The following NCOA1 variants were observed in gnomAD, a reference collection of about 807,000 sequenced individuals.
The protein encoded by NCOA1 is nuclear receptor coactivator 1.
Under a neutral mutation model 150.9 loss-of-function variants are expected in NCOA1, and 35 were observed. That is an observed-to-expected ratio of 0.23 (90% CI 0.18 to 0.31). The LOEUF is 0.31. Ranked by LOEUF, NCOA1 falls within the 10% of genes least tolerant of loss-of-function variation. The pLI, the probability that NCOA1 is intolerant of heterozygous loss-of-function variation, is 1.00. For synonymous variants in NCOA1, 590 were observed against 630.0 expected, an observed-to-expected ratio of 0.94 and a Z score of 0.95; for missense variants, 1,491 against 1,749.3, an observed-to-expected ratio of 0.85 and a Z score of 2.63.
At chr2:24,752,214 T>C (rs2148680362) in intron 20 of NCOA1, 58 bp downstream of exon 20, 7 of 1,555,344 alleles carry the variant, frequency 4.5e-6, no homozygotes, top group South Asian at 1.2e-5. Context: ...TCCTTGATAC[T>C]GATAAATGCT....
At chr2:24,692,692 C>G (rs552849257) in intron 9 of NCOA1, among the ~76,000 whole-genome samples, 1 of 152,318 alleles carries the variant, frequency 6.6e-6, no homozygotes, top group Admixed American at 6.5e-5. Flanking sequence ...AGATGCATCT[C>G]TCTCCTCTGG....
chr2:24,503,732 TG>T (rs1377862641), intron 1 of NCOA1, among the ~76,000 whole-genome samples: 1 of 135,266 alleles, frequency 7.4e-6, no homozygotes, highest in South Asian at 2.2e-4. Flanking sequence ...TACTTGTCTC[TG>T]TTTTTTTTTT....
At chr2:24,648,040 T>C (rs1340135227) in intron 4 of NCOA1, among the ~76,000 whole-genome samples, 7 of 152,232 alleles carry the variant, frequency 4.6e-5, no homozygotes, top group Non-Finnish European at 1.0e-4. Context: ...TAGCTGGTCG[T>C]TGCAGCAGAA....
chr2:24,635,645 T>A (rs1669908064), intron 3 of NCOA1, among the ~76,000 whole-genome samples: 2 of 152,252 alleles, frequency 1.3e-5, no homozygotes, highest in South Asian at 2.1e-4. Flanking sequence ...TTGCCATATA[T>A]AATGACTACT....
Position 24,707,741 on chromosome 2 carries a change from G to A in NCOA1, c.2271G>A (p.Glu757=). The change falls in exon 13 of 23, where the codon GAG becomes GAA. Residue 757 remains glutamate, a synonymous_variant. Transcript: ENST00000348332. The part of the protein sequence containing the change: ...QLLRYLLDKD[E]KDLRSTPNLS... ...TACGCTATCTTTTAGATAAAGATGAGAAAGATTTAAGATCAACTCCAAACC... is the reference window on the plus strand; with the variant it reads ...TACGCTATCTTTTAGATAAAGATGAAAAAGATTTAAGATCAACTCCAAACC... The A allele has an allele frequency of 6.2e-7, 1 of 1,614,122 alleles. No homozygotes were observed. The highest frequency in any genetic ancestry group is 1.7e-5 in the Admixed American group (1 of 60,018).
At chr2:24,737,170 G>A (rs1663355069) in intron 17 of NCOA1, among the ~76,000 whole-genome samples, 1 of 152,178 alleles carries the variant, frequency 6.6e-6, no homozygotes, top group South Asian at 2.1e-4. Context: ...GGAATGTAGC[G>A]ATCCTTTTGG....
chr2:24,619,077 TA>T (rs1669003838), intron 3 of NCOA1, among the ~76,000 whole-genome samples: 1 of 152,242 alleles, frequency 6.6e-6, no homozygotes, highest in Non-Finnish European at 1.5e-5. Context: ...GTGTGATTTT[TA>T]AAACTCTTCT....
chr2:24,698,505 C>G (rs556727629), intron 11 of NCOA1, among the ~76,000 whole-genome samples: 1 of 152,112 alleles, frequency 6.6e-6, no homozygotes, highest in Non-Finnish European at 1.5e-5. Context: ...TATTCCCTGC[C>G]CTTAAGAAAC....
At chr2:24,698,472 A>G (rs1185224827) in intron 11 of NCOA1, among the ~76,000 whole-genome samples, 1 of 152,196 alleles carries the variant, frequency 6.6e-6, no homozygotes, top group Non-Finnish European at 1.5e-5. Context: ...CTTAGTAAGT[A>G]TCATGGAAGT....
In NCOA1 at chr2:24,752,043, G is replaced by A. The variant is rs904306665; in HGVS notation, c.3768G>A (p.Val1256=). The A allele has an allele frequency of 5.6e-6, 9 of 1,614,052 alleles. No individual in the cohort carries two copies. The highest frequency in any genetic ancestry group is 7.6e-6 in the Non-Finnish European group (9 of 1,180,020). The change falls in exon 20 of 23, where the codon GTG becomes GTA. Residue 1256 remains valine, a synonymous_variant. Coordinates refer to ENST00000348332, the MANE Select transcript of NCOA1 (RefSeq NM_003743.5). ...APSLSPGSSM[V]PMPIPPPQSS... ...CTCTAAGCCCTGGGAGCTCCATGGTGCCGATGCCAATCCCTCCTCCTCAGA... is the reference window on the plus strand; with the variant it reads ...CTCTAAGCCCTGGGAGCTCCATGGTACCGATGCCAATCCCTCCTCCTCAGA...
chr2:24,533,652 A>G (rs563838635), intron 1 of NCOA1, among the ~76,000 whole-genome samples: 1 of 152,196 alleles, frequency 6.6e-6, no homozygotes, highest in Non-Finnish European at 1.5e-5. Context: ...AGTTTTTAGC[A>G]TGAAGGGCTG....
intron 3 of NCOA1, among the ~76,000 whole-genome samples, chr2:24,604,318 A>G (rs1275295011): frequency 6.6e-6 from 1 of 152,194 alleles, no homozygotes; most frequent in Non-Finnish European, 1.5e-5. Flanking sequence ...TTAGCCCCTA[A>G]TAAGAGTTGA....
chr2:24,524,685 G>A (rs182303434), intron 1 of NCOA1, among the ~76,000 whole-genome samples: 2 of 151,612 alleles, frequency 1.3e-5, no homozygotes, highest in East Asian at 1.9e-4. Flanking sequence ...TCAGCTCACT[G>A]CAACCTCCAC....
chr2:24,585,301 A>G (rs187177434), intron 3 of NCOA1, among the ~76,000 whole-genome samples: 1 of 152,344 alleles, frequency 6.6e-6, no homozygotes, highest in Non-Finnish European at 1.5e-5. Flanking sequence ...GAATATATTA[A>G]GAATATTTGT....
intron 7 of NCOA1, among the ~76,000 whole-genome samples, chr2:24,674,366 T>C (rs1168935749): frequency 1.3e-5 from 2 of 152,044 alleles, no homozygotes; most frequent in Non-Finnish European, 2.9e-5. Flanking sequence ...CTACCACGCC[T>C]GGCTAATTTT....
At chr2:24,690,380 C>T (rs1475093064) in intron 8 of NCOA1, among the ~76,000 whole-genome samples, 1 of 151,882 alleles carries the variant, frequency 6.6e-6, no homozygotes, top group Admixed American at 6.6e-5. Flanking sequence ...CTTGGCCAGG[C>T]GTGGTGGCTC....
At chr2:24,588,734 G>T (rs1394994171) in intron 3 of NCOA1, among the ~76,000 whole-genome samples, 1 of 152,118 alleles carries the variant, frequency 6.6e-6, no homozygotes, top group Non-Finnish European at 1.5e-5. Flanking sequence ...AGAGGTAGAT[G>T]AATGGGCTCA....
intron 3 of NCOA1, among the ~76,000 whole-genome samples, chr2:24,642,920 A>G (rs1670296192): frequency 6.6e-6 from 1 of 152,214 alleles, no homozygotes; most frequent in Admixed American, 6.5e-5. Context: ...AAGTGACAAA[A>G]ATTATAGAAA....
intron 7 of NCOA1, among the ~76,000 whole-genome samples, chr2:24,675,976 C>T (rs1671890555): frequency 6.6e-6 from 1 of 152,164 alleles, no homozygotes; most frequent in Non-Finnish European, 1.5e-5. Context: ...CTATCCTTAG[C>T]CCAGATCTGT....
Sources: allele counts gnomAD v4.1 joint callset (sites outside exome capture counted in the v4.1 genomes callset), GRCh38; gene constraint gnomAD v4.1.1; transcripts MANE v1.5; gene names NCBI Gene and HGNC (gene_info 2026-07-23, HGNC 2026-07-21).